IFIT1: variants seen among roughly 807,000 people sequenced by gnomAD.
IFIT1 encodes antiviral innate immune response effector IFIT1.
IFIT1 carries 1 observed loss-of-function variant against 2.5 expected under a neutral mutation model. The ratio of observed to expected loss-of-function variants is 0.40; its 90% confidence interval spans 0.14 to 1.92. IFIT1 has a LOEUF of 1.92. IFIT1 is among the 40% of genes most tolerant of loss of function. The probability of loss-of-function intolerance (pLI) is 0.31; values close to 1 mark genes in which losing one functional copy is unlikely to be tolerated. For missense variants in IFIT1, 508 were observed against 557.8 expected, an observed-to-expected ratio of 0.91 and a Z score of 0.90; for synonymous variants, 191 against 201.7, an observed-to-expected ratio of 0.95 and a Z score of 0.45.
rs758193660 is a variant in IFIT1, at chr10:89,405,424, GTA to G, written c.*1716_*1717del. On this transcript the variant is annotated 3_prime_UTR_variant, in exon 2 of 2. Coordinates refer to ENST00000371804, the MANE Select transcript of IFIT1 (RefSeq NM_001548.5). ...AGCAATGTTATTGATCTTTCATTCTGTATATGTTTTGGGGGGAATATACTAGT... is the reference window on the plus strand; with the variant it reads ...AGCAATGTTATTGATCTTTCATTCTGTATGTTTTGGGGGGAATATACTAGT... 4 of 152,192 alleles carry G rather than the reference GTA, an allele frequency of 2.6e-5. No homozygotes were observed. Among genetic ancestry groups the G allele is most frequent in the African/African-American group, 4.8e-5 (2 of 41,446 alleles). The allele number at this position is 152,192 out of a possible 1,614,324, so 9.4% of individuals were successfully genotyped here.
rs554032021 is a variant in IFIT1, at chr10:89,405,889, G to C, written c.*2177G>C. Reference sequence around the variant, plus strand: ...GTTCTGGAGACTTGGCCATGGATACGATTGCGGGGGGGGCATTATTCTTAC... The same window carrying C: ...GTTCTGGAGACTTGGCCATGGATACCATTGCGGGGGGGGCATTATTCTTAC... On this transcript the variant is annotated 3_prime_UTR_variant, in exon 2 of 2. Transcript: ENST00000371804. The C allele has an allele frequency of 1.3e-5, 2 of 151,788 alleles. No homozygotes were observed. The highest frequency in any genetic ancestry group is 2.9e-5 in the Non-Finnish European group (2 of 68,010). 9.4% of individuals were successfully genotyped at this position (151,788 alleles called of 1,614,324 possible).
intron 1 of IFIT1, chr10:89,393,105 A>C: frequency 7.7e-7 from 1 of 1,292,788 alleles, no homozygotes; most frequent in Non-Finnish European, 1.0e-6. Context: ...TGCTTTCTGC[A>C]GGTTCTTTAC....
In IFIT1 at chr10:89,404,277, C is replaced by CT. The variant is rs1844493860; in HGVS notation, c.*566dup. ...CACGTAGCGCCACAGCCAGACTCCC[C>CT]TCCCCTCTTGCGGTTTCCACATGAC... On this transcript the variant is annotated 3_prime_UTR_variant, in exon 2 of 2. Transcript: ENST00000371804. 1 of 152,740 alleles carries CT rather than the reference C, an allele frequency of 6.5e-6. No homozygotes were observed. The highest frequency in any genetic ancestry group is 2.1e-4 in the South Asian group (1 of 4,834). The allele number at this position is 152,740 out of a possible 1,614,324, so 9.5% of individuals were successfully genotyped here. A position where few individuals can be genotyped will look rare whatever the true frequency, so the allele number is the denominator to read the frequency against.
intron 1 of IFIT1, among the ~76,000 whole-genome samples, chr10:89,401,601 G>A (rs1415825210): frequency 6.6e-6 from 1 of 151,854 alleles, no homozygotes; most frequent in African/African-American, 2.4e-5. Context: ...ATAGGCTTAC[G>A]TGAAAAAAAT....
intron 1 of IFIT1, among the ~76,000 whole-genome samples, chr10:89,394,574 G>GAA (rs1405646847): frequency 1.0e-5 from 1 of 95,344 alleles, no homozygotes; most frequent in Non-Finnish European, 2.0e-5. Flanking sequence ...TGTACTACAG[G>GAA]AAAATATATA....
At chr10:89,394,048 C>T (rs1191634265) in intron 1 of IFIT1, among the ~76,000 whole-genome samples, 1 of 152,118 alleles carries the variant, frequency 6.6e-6, no homozygotes, top group African/African-American at 2.4e-5. Context: ...AGTCATGCAT[C>T]GTGTAACAAT....
chr10:89,399,003 C>T (rs922922352), intron 1 of IFIT1, among the ~76,000 whole-genome samples: 3 of 151,962 alleles, frequency 2.0e-5, no homozygotes, highest in African/African-American at 7.3e-5. Flanking sequence ...TAGCAGTGCA[C>T]ATTTCTCTAG....
chr10:89,396,362 C>A (rs1160038651), intron 1 of IFIT1, among the ~76,000 whole-genome samples: 3 of 152,188 alleles, frequency 2.0e-5, no homozygotes, highest in African/African-American at 7.2e-5. Flanking sequence ...GCAGCCCATA[C>A]AAGAAGTATG....
chr10:89,403,343 C>T lies in IFIT1; in HGVS notation c.1068C>T (p.His356=). The change falls in exon 2 of 2, where the codon CAC becomes CAT. Residue 356 remains histidine, a synonymous_variant. Coordinates refer to ENST00000371804, the MANE Select transcript of IFIT1 (RefSeq NM_001548.5). ...LARMYIEAGN[H]RKAEENFQKL... is the part of the protein sequence containing the mutation. Reference sequence around the variant, plus strand: ...GAATGTATATAGAAGCAGGCAATCACAGAAAAGCTGAAGAGAATTTTCAAA... The same window carrying T: ...GAATGTATATAGAAGCAGGCAATCATAGAAAAGCTGAAGAGAATTTTCAAA... The T allele has an allele frequency of 1.2e-6, 2 of 1,613,108 alleles. No homozygotes were observed. The highest frequency in any genetic ancestry group is 1.7e-6 in the Non-Finnish European group (2 of 1,179,714).
chr10:89,402,541 A>G lies in IFIT1; in HGVS notation c.266A>G (p.Gln89Arg). Reference protein sequence around the residue: ...ENLMQEEHDNQANVRSLVTWG... With the variant: ...ENLMQEEHDNRANVRSLVTWG... ...TTAATGCAGGAAGAACATGACAACCAAGCAAATGTGAGGAGTCTGGTGACC... is the reference window on the plus strand; with the variant it reads ...TTAATGCAGGAAGAACATGACAACCGAGCAAATGTGAGGAGTCTGGTGACC... Residue 89 changes from glutamine to arginine, a missense_variant, in exon 2 of 2, where the codon CAA (glutamine) becomes CGA (arginine). Transcript: ENST00000371804. 1 of 1,614,118 alleles carries G rather than the reference A, an allele frequency of 6.2e-7. No homozygotes were observed. Among genetic ancestry groups the G allele is most frequent in the Non-Finnish European group, 8.5e-7 (1 of 1,179,954 alleles).
chr10:89,394,681 C>T (rs967346453), intron 1 of IFIT1, among the ~76,000 whole-genome samples: 83 of 144,530 alleles, frequency 5.7e-4, no homozygotes, highest in African/African-American at 2.1e-3. Context: ...TGATAAAATA[C>T]ATGTAAAATA....
rs114763854 is a variant in IFIT1 at position 89,393,823 on chromosome 10, A to G, written c.5+1106A>G. Among the ~76,000 whole-genome samples, 777 of 152,322 alleles carry G rather than the reference A, an allele frequency of 5.1e-3. 2 individuals are homozygous for G. Among genetic ancestry groups the G allele is most frequent in the African/African-American group, 0.018 (743 of 41,574 alleles). ...AGTTGGCAAAATTTTGAAGAGGTAA[A>G]AATTCCAGAAAATGCACATTACAGG... is the stretch of plus-strand genomic sequence containing the variant. On this transcript the variant is annotated intron_variant, in intron 1 of 1. Coordinates refer to ENST00000371804, the MANE Select transcript of IFIT1 (RefSeq NM_001548.5).
chr10:89,402,240 G>C (rs1366913154), intron 1 of IFIT1, 41 bp from the exon 2 acceptor site: 1 of 1,343,294 alleles, frequency 7.4e-7, no homozygotes, highest in Middle Eastern at 1.9e-4. Context: ...TCTTTTAGCT[G>C]TTCCTCACCT....
chr10:89,395,604 A>C lies in IFIT1; in HGVS notation c.5+2887A>C, dbSNP rs566666175. 4.6e-5 allele frequency among the ~76,000 whole-genome samples: 7 copies of C among 152,326 alleles called. No homozygotes were observed. The South Asian group carries it at 1.5e-3, about 32-fold the overall frequency. ...TAAACTAAACACAGGTCAGGCAAGAACCACAAGGGCATCTGCCTGATATAA... is the reference window on the plus strand; with the variant it reads ...TAAACTAAACACAGGTCAGGCAAGACCCACAAGGGCATCTGCCTGATATAA... On this transcript the variant is annotated intron_variant, in intron 1 of 1. Transcript: ENST00000371804.
chr10:89,402,401 G>C lies in IFIT1; in HGVS notation c.126G>C (p.Gln42His), dbSNP rs1170582150. 1.1e-5 allele frequency: 18 copies of C among 1,614,012 alleles called. No homozygotes were observed. The highest frequency in any genetic ancestry group is 1.4e-5 in the Non-Finnish European group (16 of 1,179,984). The change falls in exon 2 of 2, where the codon CAG (glutamine) becomes CAC (histidine). Residue 42 changes from glutamine to histidine, a missense_variant. By Grantham distance (24) the Gln-to-His change is conservative (BLOSUM62 0). Coordinates refer to ENST00000371804, the MANE Select transcript of IFIT1 (RefSeq NM_001548.5). ...MPDLENRVLD[Q>H]IEFLDTKYSV... ...ATTTAGAAAACAGAGTCTTGGATCA[G>C]ATTGAATTCCTAGACACCAAATACA...
chr10:89,402,544 C>A lies in IFIT1; in HGVS notation c.269C>A (p.Ala90Glu), dbSNP rs1347772850. The A allele has an allele frequency of 1.2e-6, 2 of 1,614,060 alleles. No homozygotes were observed. The highest frequency in any genetic ancestry group is 1.7e-6 in the Non-Finnish European group (2 of 1,179,940). Residue 90 changes from alanine to glutamate, a missense_variant, in exon 2 of 2, where the codon GCA (alanine) becomes GAA (glutamate). By Grantham distance (107) the Ala-to-Glu change is moderately radical (BLOSUM62 -1). Transcript: ENST00000371804. ...ATGCAGGAAGAACATGACAACCAAGCAAATGTGAGGAGTCTGGTGACCTGG... is the reference window on the plus strand; with the variant it reads ...ATGCAGGAAGAACATGACAACCAAGAAAATGTGAGGAGTCTGGTGACCTGG... The part of the protein sequence containing the change: ...NLMQEEHDNQ[A>E]NVRSLVTWGN...
Position 89,403,404 on chromosome 10 carries a change from A to G in IFIT1, c.1129A>G (p.Met377Val). 1.2e-6 allele frequency: 2 copies of G among 1,613,966 alleles called. No homozygotes were observed. The highest frequency in any genetic ancestry group is 1.7e-6 in the Non-Finnish European group (2 of 1,179,956). The change falls in exon 2 of 2, where the codon ATG becomes GTG. Residue 377 changes from methionine (M) to valine (V), a missense_variant. Transcript: ENST00000371804. ...CATGAAACCAGTGGTAGAAGAAACAATGCAAGACATACATTTCCACTATGG... is the reference window on the plus strand; with the variant it reads ...CATGAAACCAGTGGTAGAAGAAACAGTGCAAGACATACATTTCCACTATGG... Reference protein sequence around the residue: ...LCMKPVVEETMQDIHFHYGRF... With the variant: ...LCMKPVVEETVQDIHFHYGRF...
intron 1 of IFIT1, among the ~76,000 whole-genome samples, chr10:89,400,954 CTGTT>C (rs1844412350): frequency 7.3e-6 from 1 of 137,374 alleles, no homozygotes; most frequent in Admixed American, 6.7e-5. Context: ...AGTCTATAGT[CTGTT>C]TTTTTTTTCA....
rs760790798 is a variant in IFIT1, at chr10:89,402,897, C to G, written c.622C>G (p.Gln208Glu). The G allele has an allele frequency of 1.2e-6, 2 of 1,614,206 alleles. No individual in the cohort carries two copies. The highest frequency in any genetic ancestry group is 1.7e-6 in the Non-Finnish European group (2 of 1,180,046). ...HKPFSLLPLR[Q>E]AVRLNPDNGY... ...GCCATTTTCTTTGCTTCCCCTAAGG[C>G]AGGCTGTCCGCTTAAATCCAGACAA... is the stretch of plus-strand genomic sequence containing the variant. The change falls in exon 2 of 2, where the codon CAG (glutamine) becomes GAG (glutamate). Residue 208 changes from glutamine (Q) to glutamate (E), a missense_variant. Transcript: ENST00000371804.
Sources: gnomAD v4.1 joint callset for allele counts (sites outside exome capture counted in the v4.1 genomes callset) on GRCh38, gnomAD v4.1.1 for gene constraint, MANE v1.5 for transcripts, NCBI Gene and HGNC (gene_info 2026-07-23, HGNC 2026-07-21) for gene names.